The following PCDHGA4 variants were observed in gnomAD, a reference collection of about 807,000 sequenced individuals.
PCDHGA4 encodes the protein protocadherin gamma subfamily A, 4, also known as protocadherin gamma-A4.
In PCDHGA4, 38 loss-of-function variants were observed where a neutral mutation model predicts 54.6. The ratio of observed to expected loss-of-function variants is 0.70; its 90% CI spans 0.54 to 0.91. PCDHGA4 has a LOEUF of 0.91. PCDHGA4 is among the 40% of genes least tolerant of loss of function. The pLI, the probability that PCDHGA4 is intolerant of heterozygous loss-of-function variation, is 0.00. For synonymous variants in PCDHGA4, 511 were observed against 512.9 expected (o/e 1.00, Z 0.05); for missense variants, 1,298 against 1,220.9 (o/e 1.06, Z -0.94).
In PCDHGA4 at chr5:141,486,705, A is replaced by T. The variant is rs2099633722; in HGVS notation, c.2515-8102A>T. On this transcript the variant is annotated intron_variant, in intron 1 of 3. Transcript: ENST00000571252. This position sits in a 1 kb window ranked among gnomAD's most constrained non-coding sequence, Gnocchi z 5.0. ...TCAGCTTCCTCTTTCATCTCTCTGA[A>T]CCCCCAGACAGGAGCTGTTCATGCT... The T allele has an allele frequency of 6.2e-7, 1 of 1,613,844 alleles. No individual in the cohort carries two copies. The highest frequency in any genetic ancestry group is 1.3e-5 in the African/African-American group (1 of 74,910).
Position 141,491,029 on chromosome 5 carries a change from G to T in PCDHGA4, c.2515-3778G>T. 1 of 1,614,172 alleles carries T rather than the reference G, an allele frequency of 6.2e-7. No homozygotes were observed. The highest frequency in any genetic ancestry group is 1.1e-5 in the South Asian group (1 of 91,088). On this transcript the variant is annotated intron_variant, in intron 1 of 3. Coordinates refer to ENST00000571252, the MANE Select transcript of PCDHGA4 (RefSeq NM_018917.4). The surrounding 1 kb of genome is among the most constrained non-coding windows in gnomAD (Gnocchi z 6.9). ...GGTCACCAAGGTGACAGCCGTGGAT[G>T]CTGATGCAGGCCACAATGCGTGGCT...
At position 141,356,280 on chromosome 5, in the gene PCDHGA4, T is replaced by G. The variant is rs754910661; in HGVS notation, c.1173T>G (p.Ser391=). Residue 391 remains serine (S), a synonymous_variant, in exon 1 of 4, where the codon TCT becomes TCG. Coordinates refer to ENST00000571252, the MANE Select transcript of PCDHGA4 (RefSeq NM_018917.4). The part of the protein sequence containing the change: ...TSLTSSVQES[S]SPGTVIALFN... Reference sequence around the variant, plus strand: ...TCACCAGCTCAGTCCAGGAATCTTCTTCCCCGGGTACAGTAATTGCACTTT... The same window carrying G: ...TCACCAGCTCAGTCCAGGAATCTTCGTCCCCGGGTACAGTAATTGCACTTT... 9.6e-6 allele frequency: 15 copies of G among 1,558,302 alleles called. No individual in the cohort carries two copies. Among genetic ancestry groups the G allele is most frequent in the South Asian group, 5.9e-5 (5 of 84,734 alleles).
intron 1 of PCDHGA4, chr5:141,409,553 G>T: frequency 6.2e-7 from 1 of 1,613,972 alleles, no homozygotes; most frequent in Non-Finnish European, 8.5e-7. Context: ...CAACGCCCCA[G>T]TTTTCGACCA....
At chr5:141,479,619 T>C (rs1327758222) in intron 1 of PCDHGA4, 1 of 152,220 alleles carries the variant, frequency 6.6e-6, no homozygotes, top group Non-Finnish European at 1.5e-5. Flanking sequence ...AGGGAAACCA[T>C]GTCTCTTTAA....
chr5:141,470,369 T>C (rs751264270), intron 1 of PCDHGA4, among the ~76,000 whole-genome samples: 2 of 152,226 alleles, frequency 1.3e-5, no homozygotes, highest in Non-Finnish European at 1.5e-5. Context: ...TTAGGTTGAA[T>C]GGAAAGACTA....
At chr5:141,387,282 A>C (rs578102496) in intron 1 of PCDHGA4, among the ~76,000 whole-genome samples, 59 of 152,340 alleles carry the variant, frequency 3.9e-4, no homozygotes, top group Admixed American at 2.0e-3. Context: ...CAATGAAAGA[A>C]AGATAAAATG....
At chr5:141,422,394 C>T (rs898242724) in intron 1 of PCDHGA4, 1 of 1,595,520 alleles carries the variant, frequency 6.3e-7, no homozygotes, top group Non-Finnish European at 8.5e-7. Context: ...TTATTCCTAA[C>T]CACCTGCCTT....
At chr5:141,386,308 A>G (rs1057447717) in intron 1 of PCDHGA4, among the ~76,000 whole-genome samples, 5 of 152,236 alleles carry the variant, frequency 3.3e-5, no homozygotes, top group African/African-American at 4.8e-5. Flanking sequence ...AAAGCTCAGT[A>G]TATCAAGTGA....
chr5:141,414,721 G>A (rs373261988), intron 1 of PCDHGA4: 29 of 1,614,004 alleles, frequency 1.8e-5, no homozygotes, highest in Middle Eastern at 1.6e-4. Flanking sequence ...CTCAGACACT[G>A]GCGTCCTGTA....
At chr5:141,393,246 A>G (rs1434145740) in intron 1 of PCDHGA4, 2 of 1,613,694 alleles carry the variant, frequency 1.2e-6, no homozygotes, top group Non-Finnish European at 1.7e-6. Flanking sequence ...AATTAACGAA[A>G]TCGCGGTTCC....
At chr5:141,427,550 C>T (rs1310933864) in intron 1 of PCDHGA4, 1 of 643,730 alleles carries the variant, frequency 1.6e-6, no homozygotes, top group East Asian at 3.2e-5. Context: ...CCATCACTGC[C>T]ACTGACAAGG....
chr5:141,475,908 A>G (rs531350638), intron 1 of PCDHGA4: 110 of 585,688 alleles, frequency 1.9e-4, no homozygotes, highest in Non-Finnish European at 2.5e-4. Context: ...CTGTCGGCCA[A>G]TGAAGACGCT....
At chr5:141,393,754 T>G in intron 1 of PCDHGA4, 1 of 1,613,892 alleles carries the variant, frequency 6.2e-7, no homozygotes, top group Non-Finnish European at 8.5e-7. Flanking sequence ...GAATGTTCAT[T>G]TTATGAAATG....
chr5:141,398,787 A>T, intron 1 of PCDHGA4: 1 of 1,613,902 alleles, frequency 6.2e-7, no homozygotes, highest in African/African-American at 1.3e-5. Flanking sequence ...GTGGACATCC[A>T]CCCCTAAGCG....
Position 141,377,593 on chromosome 5 carries a change from C to T in PCDHGA4, c.2514+19972C>T, listed in dbSNP as rs923684056. 2.8e-4 allele frequency: 40 copies of T among 144,542 alleles called. 1 individual carries two copies. The highest frequency in any genetic ancestry group is 4.7e-4 in the African/African-American group (18 of 38,630). 9.0% of individuals were successfully genotyped at this position (144,542 alleles called of 1,614,324 possible). On this transcript the variant is annotated intron_variant, in intron 1 of 3. Transcript: ENST00000571252. ...CCTGGGAGACAGAATGAGACTTTTT[C>T]TCTCTCTCTCTCAAAAAAAAAAAAA...
intron 1 of PCDHGA4, chr5:141,426,610 C>G (rs1376781969): frequency 2.6e-6 from 1 of 382,832 alleles, no homozygotes; most frequent in Non-Finnish European, 5.3e-6. Context: ...GAGATTGTAG[C>G]AGAGAATCCT....
intron 1 of PCDHGA4, chr5:141,373,940 C>T: frequency 1.4e-6 from 1 of 716,494 alleles, no homozygotes; most frequent in East Asian, 3.0e-5. Flanking sequence ...AGCAGGAAAG[C>T]TGTGCAGAAA....
At chr5:141,419,413 C>T (rs568417008) in intron 1 of PCDHGA4, 4 of 1,613,444 alleles carry the variant, frequency 2.5e-6, no homozygotes, top group African/African-American at 1.3e-5. Flanking sequence ...TCGCGCAGCG[C>T]GCCTTCGACC....
chr5:141,395,511 T>G, intron 1 of PCDHGA4: 3 of 425,438 alleles, frequency 7.1e-6, no homozygotes, highest in Non-Finnish European at 1.3e-5. Context: ...AAGAAGTAGC[T>G]ACCCGTCCAT....
Sources: allele counts gnomAD v4.1 joint callset (sites outside exome capture counted in the v4.1 genomes callset), GRCh38; gene constraint gnomAD v4.1.1; non-coding constraint Gnocchi (gnomAD v3.1); transcripts MANE v1.5; gene names NCBI Gene and HGNC (gene_info 2026-07-23, HGNC 2026-07-21).